Variants in NUP37 observed in about 807,000 individuals in gnomAD.
NUP37 encodes the protein nucleoporin Nup37.
NUP37 carries 33 observed loss-of-function variants against 45.4 expected under a neutral mutation model. That is an observed-to-expected ratio of 0.73 (90% CI 0.55 to 0.97). NUP37 has a LOEUF of 0.97. Among genes scored for constraint, NUP37 ranks in the 50% least tolerant of loss-of-function variants. The pLI is 0.00. For missense variants in NUP37, 365 were observed against 389.7 expected, an observed-to-expected ratio of 0.94 and a Z score of 0.53; for synonymous variants, 127 against 130.7, an observed-to-expected ratio of 0.97 and a Z score of 0.19.
At chr12:102,098,891 T>C (rs1160369812) in intron 5 of NUP37, among the ~76,000 whole-genome samples, 2 of 152,142 alleles carry the variant, frequency 1.3e-5, no homozygotes, top group South Asian at 2.1e-4. Flanking sequence ...AAGACACCCA[T>C]GGGAGGCAAG....
intron 6 of NUP37, among the ~76,000 whole-genome samples, chr12:102,079,649 C>T (rs1025969563): frequency 6.6e-6 from 1 of 152,152 alleles, no homozygotes; most frequent in Non-Finnish European, 1.5e-5. Context: ...CATTTATTTT[C>T]TTCATAAGGC....
chr12:102,099,229 C>T, intron 4 of NUP37, 29 bp from the exon 5 acceptor site: 4 of 1,495,348 alleles, frequency 2.7e-6, no homozygotes, highest in Non-Finnish European at 3.7e-6. Flanking sequence ...GAAAGCTTAG[C>T]AAGAAAACAG....
At chr12:102,104,841 T>G (rs1188615370) in intron 3 of NUP37, among the ~76,000 whole-genome samples, 4 of 152,242 alleles carry the variant, frequency 2.6e-5, no homozygotes, top group Admixed American at 2.0e-4. Context: ...ACTGTTTTGA[T>G]TACTGTATAG....
At chr12:102,112,556 C>T (rs766984716) in intron 2 of NUP37, among the ~76,000 whole-genome samples, 9 of 152,108 alleles carry the variant, frequency 5.9e-5, no homozygotes, top group African/African-American at 1.4e-4. Context: ...CAACACTTTG[C>T]GGGGCTGAGG....
At chr12:102,119,143 G>A (rs571232731) in intron 1 of NUP37, 1 of 152,422 alleles carries the variant, frequency 6.6e-6, no homozygotes, top group East Asian at 1.9e-4. Context: ...CTGGCTTGAA[G>A]GAGACCACAG....
At chr12:102,077,274 T>G in intron 7 of NUP37, 48 bp downstream of exon 7, 1 of 1,586,080 alleles carries the variant, frequency 6.3e-7, no homozygotes, top group East Asian at 2.2e-5. Flanking sequence ...TTAGCAACAG[T>G]TACTGCCTTT....
chr12:102,081,839 G>A (rs544782809), intron 6 of NUP37, among the ~76,000 whole-genome samples: 22 of 151,870 alleles, frequency 1.4e-4, no homozygotes, highest in South Asian at 6.3e-4. Context: ...GACTACGGTC[G>A]AGCACCACAC....
chr12:102,075,176 CTTTTTCTTTTTT>C, intron 8 of NUP37, 82 bp from the exon 9 acceptor site: 1 of 881,924 alleles, frequency 1.1e-6, no homozygotes, highest in Non-Finnish European at 1.7e-6. Context: ...TTTTCTTTTT[CTTTTTCTTTTTT>C]TTTAAGAGAC....
Position 102,091,612 on chromosome 12 carries a change from T to G in NUP37, c.450-5756A>C, listed in dbSNP as rs140356713. Among the ~76,000 whole-genome samples, 892 of 152,226 alleles carry G rather than the reference T, an allele frequency of 5.9e-3. 11 individuals are homozygous for G. The highest frequency in any genetic ancestry group is 0.02 in the African/African-American group (836 of 41,530). ...CATATTTAAATGTTTGCAAGGGAAA[T>G]TTAAAAGGAAAAGCTTTTATGGGAA... On this transcript the variant is annotated intron_variant, in intron 5 of 9. Transcript: ENST00000552283.
At chr12:102,103,338 A>C (rs953116606) in intron 3 of NUP37, among the ~76,000 whole-genome samples, 1 of 152,108 alleles carries the variant, frequency 6.6e-6, no homozygotes, top group Non-Finnish European at 1.5e-5. Flanking sequence ...TATTCCCAAG[A>C]TATTTTGATG....
chr12:102,077,827 C>G (rs542062391), intron 6 of NUP37, among the ~76,000 whole-genome samples: 18 of 152,106 alleles, frequency 1.2e-4, no homozygotes, highest in Non-Finnish European at 4.4e-5. Flanking sequence ...CATGTTTAGA[C>G]TTGGGTCCCA....
At chr12:102,097,304 T>C (rs1156259184) in intron 5 of NUP37, among the ~76,000 whole-genome samples, 1 of 152,180 alleles carries the variant, frequency 6.6e-6, no homozygotes, top group African/African-American at 2.4e-5. Context: ...ACAACCAGTC[T>C]GGCAAAATGA....
chr12:102,107,709 A>T (rs1160582673), intron 3 of NUP37, among the ~76,000 whole-genome samples: 1 of 152,250 alleles, frequency 6.6e-6, no homozygotes, highest in African/African-American at 2.4e-5. Flanking sequence ...AACTTGGATG[A>T]ATCTCATATA....
intron 3 of NUP37, among the ~76,000 whole-genome samples, chr12:102,102,688 G>A (rs561699349): frequency 6.6e-6 from 1 of 152,146 alleles, no homozygotes; most frequent in African/African-American, 2.4e-5. Flanking sequence ...GGAGATTAAT[G>A]TTGTGAAGCT....
At chr12:102,098,790 C>A (rs1879887270) in intron 5 of NUP37, among the ~76,000 whole-genome samples, 1 of 152,118 alleles carries the variant, frequency 6.6e-6, no homozygotes. Flanking sequence ...CCTTGGTCTC[C>A]CAAAGAGCTG....
intron 2 of NUP37, 49 bp downstream of exon 2, chr12:102,118,314 T>A (rs766912334): frequency 6.5e-7 from 1 of 1,532,990 alleles, no homozygotes; most frequent in Admixed American, 2.1e-5. Flanking sequence ...TAAGTTCTCT[T>A]AGTAGTGAAA....
intron 6 of NUP37, among the ~76,000 whole-genome samples, chr12:102,082,690 C>A (rs1344045199): frequency 6.6e-6 from 1 of 152,168 alleles, no homozygotes; most frequent in Non-Finnish European, 1.5e-5. Flanking sequence ...TTAACCACTT[C>A]TCTGTATTCT....
At chr12:102,085,078 G>A (rs1416067889) in intron 6 of NUP37, among the ~76,000 whole-genome samples, 4 of 152,120 alleles carry the variant, frequency 2.6e-5, no homozygotes, top group African/African-American at 9.7e-5. Flanking sequence ...GCTCACAAGC[G>A]TGGATGATGT....
At chr12:102,089,853 C>T (rs1295276205) in intron 5 of NUP37, among the ~76,000 whole-genome samples, 2 of 152,220 alleles carry the variant, frequency 1.3e-5, no homozygotes, top group Admixed American at 1.3e-4. Context: ...TCATTCTACT[C>T]CTGACAGACA....
Sources: gnomAD v4.1 joint callset for allele counts (sites outside exome capture counted in the v4.1 genomes callset) on GRCh38, gnomAD v4.1.1 for gene constraint, MANE v1.5 for transcripts, NCBI Gene and HGNC (gene_info 2026-07-23, HGNC 2026-07-21) for gene names.